The following CHMP4B variants were observed in gnomAD, a reference collection of about 807,000 sequenced individuals.
CHMP4B encodes the protein charged multivesicular body protein 4B.
In CHMP4B, 1 loss-of-function variant was observed where a neutral mutation model predicts 25.1. The observed-to-expected ratio is 0.04, with a 90% confidence interval of 0.01 to 0.19. CHMP4B has a LOEUF of 0.19. Among genes scored for constraint, CHMP4B ranks in the 10% least tolerant of loss-of-function variants. CHMP4B has a pLI of 1.00. For synonymous variants in CHMP4B, 101 were observed against 115.6 expected (o/e 0.87, Z 0.81); for missense variants, 151 against 289.7 (o/e 0.52, Z 3.48).
intron 1 of CHMP4B, among the ~76,000 whole-genome samples, chr20:33,838,014 C>T (rs1319893185): frequency 6.6e-6 from 1 of 152,184 alleles, no homozygotes; most frequent in Non-Finnish European, 1.5e-5. Context: ...AATGAGGGGA[C>T]TTGCTCAGTG....
At chr20:33,816,782 T>G (rs1005005579) in intron 1 of CHMP4B, among the ~76,000 whole-genome samples, 1 of 152,128 alleles carries the variant, frequency 6.6e-6, no homozygotes, top group South Asian at 2.1e-4. Context: ...TTGGAGAAGA[T>G]TAGGAAATGG....
intron 1 of CHMP4B, among the ~76,000 whole-genome samples, chr20:33,847,129 T>C (rs61096088): frequency 0.13 from 19,604 of 151,884 alleles, 1,406 homozygotes; most frequent in East Asian, 0.23. Flanking sequence ...GTGGGGGACA[T>C]AACTTATGGG....
Position 33,811,676 on chromosome 20 carries a change from C to G in CHMP4B, c.190+18C>G. The G allele has an allele frequency of 1.2e-6, 2 of 1,610,880 alleles. No individual in the cohort carries two copies. The highest frequency in any genetic ancestry group is 1.3e-5 in the African/African-American group (1 of 75,018). Reference sequence around the variant, plus strand: ...CAAGCGCGGTGAGGCTGCCCGGCCCCTTCAGACTTGCCACGGGCTCCCCCC... The same window carrying G: ...CAAGCGCGGTGAGGCTGCCCGGCCCGTTCAGACTTGCCACGGGCTCCCCCC... On this transcript the variant is annotated intron_variant, in intron 1 of 4. Coordinates refer to ENST00000217402, the MANE Select transcript of CHMP4B (RefSeq NM_176812.5).
chr20:33,829,555 C>T (rs1979184442), intron 1 of CHMP4B, among the ~76,000 whole-genome samples: 1 of 152,170 alleles, frequency 6.6e-6, no homozygotes, highest in Admixed American at 6.5e-5. Context: ...CTTTCTTTGC[C>T]CTCTTTGGTT....
intron 1 of CHMP4B, among the ~76,000 whole-genome samples, chr20:33,830,040 C>T (rs1205244355): frequency 6.6e-6 from 1 of 152,240 alleles, no homozygotes; most frequent in Non-Finnish European, 1.5e-5. Context: ...TTGATTTGAC[C>T]AGATCTGACT....
At chr20:33,840,752 A>AATAGG in intron 1 of CHMP4B, among the ~76,000 whole-genome samples, 1 of 152,300 alleles carries the variant, frequency 6.6e-6, no homozygotes, top group East Asian at 1.9e-4. Flanking sequence ...TTCCTATCAA[A>AATAGG]ATAGGATCTG....
At chr20:33,852,995 C>A (rs1271525657) in intron 4 of CHMP4B, among the ~76,000 whole-genome samples, 1 of 152,176 alleles carries the variant, frequency 6.6e-6, no homozygotes, top group Middle Eastern at 3.2e-3. Context: ...CAGTGCATGA[C>A]CAGCTGTGGT....
chr20:33,837,212 GA>G (rs1230144231), intron 1 of CHMP4B, among the ~76,000 whole-genome samples: 1 of 152,120 alleles, frequency 6.6e-6, no homozygotes, highest in Non-Finnish European at 1.5e-5. Context: ...TTGAGCTCAG[GA>G]GTTGGAGACC....
intron 1 of CHMP4B, among the ~76,000 whole-genome samples, chr20:33,817,949 A>G (rs982595506): frequency 2.6e-5 from 4 of 152,310 alleles, no homozygotes; most frequent in Admixed American, 6.5e-5. Flanking sequence ...ATGTGGGCAA[A>G]AGATTCCCAG....
chr20:33,842,640 A>G (rs558343174), intron 1 of CHMP4B, among the ~76,000 whole-genome samples: 33 of 152,296 alleles, frequency 2.2e-4, no homozygotes, highest in Non-Finnish European at 4.1e-4. Flanking sequence ...ATTTGTGTGT[A>G]AGTGTCCTCA....
chr20:33,839,423 A>G (rs1369567725), intron 1 of CHMP4B, among the ~76,000 whole-genome samples: 4 of 152,222 alleles, frequency 2.6e-5, no homozygotes, highest in African/African-American at 9.6e-5. Context: ...ACAGAAAAAA[A>G]GCTCACAGCA....
chr20:33,844,761 CTTTT>C (rs1236212337), intron 1 of CHMP4B, among the ~76,000 whole-genome samples: 1 of 142,284 alleles, frequency 7.0e-6, no homozygotes, highest in Non-Finnish European at 1.5e-5. Context: ...AGTGTTTGCT[CTTTT>C]TTTTTTTTTT....
chr20:33,845,369 C>A (rs1979659860), intron 1 of CHMP4B, among the ~76,000 whole-genome samples: 1 of 151,334 alleles, frequency 6.6e-6, no homozygotes, highest in Admixed American at 6.6e-5. Context: ...GTTGCCCAGG[C>A]TGGAGTTCAG....
intron 1 of CHMP4B, among the ~76,000 whole-genome samples, chr20:33,835,272 A>T (rs951592511): frequency 6.6e-6 from 1 of 151,982 alleles, no homozygotes; most frequent in Admixed American, 6.6e-5. Context: ...TTTATTACTG[A>T]TTTTGAGCAC....
chr20:33,846,731 T>C (rs933864649), intron 1 of CHMP4B, among the ~76,000 whole-genome samples: 3 of 151,492 alleles, frequency 2.0e-5, no homozygotes, highest in Non-Finnish European at 4.4e-5. Context: ...GGGGAGGGGG[T>C]TTTGACCTCC....
chr20:33,840,119 G>A (rs184049032), intron 1 of CHMP4B, among the ~76,000 whole-genome samples: 189 of 152,240 alleles, frequency 1.2e-3, no homozygotes, highest in African/African-American at 4.2e-3. Flanking sequence ...GGTGGCAGGC[G>A]CCTGTAATCC....
chr20:33,851,792 T>C (rs1367889395), intron 3 of CHMP4B, among the ~76,000 whole-genome samples: 1 of 152,230 alleles, frequency 6.6e-6, no homozygotes, highest in Non-Finnish European at 1.5e-5. Context: ...TGCCCAGCTC[T>C]GAGCCAAATA....
intron 2 of CHMP4B, among the ~76,000 whole-genome samples, chr20:33,849,870 G>A (rs180898052): frequency 6.6e-6 from 1 of 152,262 alleles, no homozygotes; most frequent in African/African-American, 2.4e-5. Context: ...CAAAATCCTG[G>A]GCTCAAGCCA....
chr20:33,842,156 G>T (rs1443678950), intron 1 of CHMP4B, among the ~76,000 whole-genome samples: 1 of 152,104 alleles, frequency 6.6e-6, no homozygotes, highest in Admixed American at 6.5e-5. Flanking sequence ...AGTTTGGTGG[G>T]ATCTCTAATG....
Sources: allele counts gnomAD v4.1 joint callset (sites outside exome capture counted in the v4.1 genomes callset), GRCh38; gene constraint gnomAD v4.1.1; transcripts MANE v1.5; gene names NCBI Gene and HGNC (gene_info 2026-07-23, HGNC 2026-07-21).